The following FAM20A variants were observed in gnomAD, a reference collection of about 807,000 sequenced individuals.
FAM20A encodes pseudokinase FAM20A.
Under a neutral mutation model 52.0 loss-of-function variants are expected in FAM20A, and 42 were observed. That is an observed-to-expected ratio of 0.81 (90% confidence interval 0.63 to 1.04). The LOEUF (loss-of-function observed/expected upper bound fraction) is 1.04. Ranked by LOEUF, FAM20A falls within the 50% of genes least tolerant of loss-of-function variation. The pLI, the probability that FAM20A is intolerant of heterozygous loss-of-function variation, is 0.00. For synonymous variants in FAM20A, 304 were observed against 298.9 expected, an observed-to-expected ratio of 1.02 and a Z score of -0.18; for missense variants, 742 against 712.7, an observed-to-expected ratio of 1.04 and a Z score of -0.47.
At chr17:68,578,547 T>G (rs188502102) in intron 1 of FAM20A, among the ~76,000 whole-genome samples, 1 of 152,096 alleles carries the variant, frequency 6.6e-6, no homozygotes, top group Non-Finnish European at 1.5e-5. Flanking sequence ...TATTAATGTG[T>G]TTTTTGTTCT....
At chr17:68,541,308 A>G (rs2086281141) in intron 7 of FAM20A, 1 of 331,380 alleles carries the variant, frequency 3.0e-6, no homozygotes, top group Non-Finnish European at 5.9e-6. Context: ...ACCCTGCGCC[A>G]CTCATAGCAC....
intron 1 of FAM20A, among the ~76,000 whole-genome samples, chr17:68,577,220 A>G (rs2087797322): frequency 6.6e-6 from 1 of 152,228 alleles, no homozygotes; most frequent in South Asian, 2.1e-4. Context: ...CTCAGAGGAC[A>G]TCTCTTAAAC....
intron 3 of FAM20A, among the ~76,000 whole-genome samples, chr17:68,552,902 C>T (rs1192144280): frequency 7.1e-6 from 1 of 140,924 alleles, no homozygotes; most frequent in East Asian, 2.0e-4. Flanking sequence ...AGGATGGTCT[C>T]GATCTCCTGA....
Position 68,537,772 on chromosome 17 carries a change from A to AGAAGTTCAG in FAM20A, c.1362-32_1362-31insCTGAACTTC, listed in dbSNP as rs1412957127. The AGAAGTTCAG allele has an allele frequency of 6.3e-7, 1 of 1,593,220 alleles. No individual in the cohort carries two copies. The highest frequency in any genetic ancestry group is 1.8e-5 in the Admixed American group (1 of 57,142). On this transcript the variant is annotated intron_variant, in intron 10 of 10. Transcript: ENST00000592554. This position sits in a 1 kb window ranked among gnomAD's most constrained non-coding sequence, Gnocchi z 4.2. ...AAGACAAAGTTACAGGAACCAAATAAGCAAATGTAAAGAAAATAACTTGCC... is the reference window on the plus strand; with the variant it reads ...AAGACAAAGTTACAGGAACCAAATAAGAAGTTCAGGCAAATGTAAAGAAAATAACTTGCC...
rs2087659419 is a variant in FAM20A, at chr17:68,574,184, C to T, written c.405-18441G>A. On this transcript the variant is annotated intron_variant, in intron 1 of 10. Transcript: ENST00000592554. ...GGCCCAAGTGATCCTCCCACCTCAGCCTCCCAAGTAACTGGGACCACAGGC... is the reference window on the plus strand; with the variant it reads ...GGCCCAAGTGATCCTCCCACCTCAGTCTCCCAAGTAACTGGGACCACAGGC... Among the ~76,000 whole-genome samples the T allele has an allele frequency of 3.3e-5, 5 of 152,208 alleles. No individual in the cohort carries two copies. The South Asian group carries it at 1.0e-3, about 32-fold the overall frequency.
chr17:68,539,510 G>T, intron 9 of FAM20A, 114 bp from the exon 10 acceptor site: 1 of 914,952 alleles, frequency 1.1e-6, no homozygotes, highest in Non-Finnish European at 1.8e-6. Context: ...AAATGCCAGG[G>T]ATCATGGCAG....
Position 68,539,985 on chromosome 17 carries a change from C to G in FAM20A, c.1220-19G>C. 1 of 1,612,784 alleles carries G rather than the reference C, an allele frequency of 6.2e-7. No homozygotes were observed. Among genetic ancestry groups the G allele is most frequent in the Non-Finnish European group, 8.5e-7 (1 of 1,178,924 alleles). ...ATATTCCCTGTGAAGGAGGGGAGGA[C>G]TTAGCTGGAACCAGCAGGCCAGGGG... On this transcript the variant is annotated intron_variant, in intron 8 of 10. Transcript: ENST00000592554.
intron 7 of FAM20A, chr17:68,541,708 C>G: frequency 2.7e-6 from 1 of 373,058 alleles, no homozygotes. Flanking sequence ...GTTCTCCCCA[C>G]TAGACCAAGG....
Position 68,537,690 on chromosome 17 carries a change from GTAGTCAGC to G in FAM20A, c.1405_1412del (p.Ala469GlnfsTer21), listed in dbSNP as rs1223029738. The G allele has an allele frequency of 6.2e-7, 1 of 1,613,518 alleles. No homozygotes were observed. Among genetic ancestry groups the G allele is most frequent in the Non-Finnish European group, 8.5e-7 (1 of 1,179,802 alleles). On this transcript the variant is annotated frameshift_variant, in exon 11 of 11. Coordinates refer to ENST00000592554, the MANE Select transcript of FAM20A (RefSeq NM_017565.4). LOFTEE classifies it low-confidence loss of function (END_TRUNC). This position sits in a 1 kb window ranked among gnomAD's most constrained non-coding sequence, Gnocchi z 4.2. ...ATTCTCGCATCACATCGCTGAGTCT[GTAGTCAGC>G]TTGGGCCAGCAGCTGCAGGTGCAAA...
intron 3 of FAM20A, among the ~76,000 whole-genome samples, chr17:68,554,057 C>CACAT (rs2086977628): frequency 7.6e-6 from 1 of 131,518 alleles, no homozygotes. Context: ...CACATATACA[C>CACAT]ATATACACAC....
At chr17:68,561,588 GCT>G (rs1037322404) in intron 1 of FAM20A, among the ~76,000 whole-genome samples, 1 of 121,384 alleles carries the variant, frequency 8.2e-6, no homozygotes, top group East Asian at 2.5e-4. Context: ...CTTTTTGATT[GCT>G]CTTTTTTTTT....
intron 1 of FAM20A, among the ~76,000 whole-genome samples, chr17:68,584,823 T>A (rs2088123004): frequency 6.6e-6 from 1 of 152,246 alleles, no homozygotes; most frequent in Non-Finnish European, 1.5e-5. Context: ...TAGCTCATCA[T>A]ATTTGGCTGA....
At chr17:68,541,613 C>T (rs1296882323) in intron 7 of FAM20A, 1 of 199,572 alleles carries the variant, frequency 5.0e-6, no homozygotes, top group Non-Finnish European at 1.0e-5. Flanking sequence ...TGCTCGGGAA[C>T]CAGGTGTCCC....
At chr17:68,574,691 T>C (rs1190208132) in intron 1 of FAM20A, among the ~76,000 whole-genome samples, 1 of 152,190 alleles carries the variant, frequency 6.6e-6, no homozygotes, top group African/African-American at 2.4e-5. Flanking sequence ...TTCTGCTTAA[T>C]TTCCCAGTTA....
At chr17:68,569,921 C>T (rs950473254) in intron 1 of FAM20A, among the ~76,000 whole-genome samples, 1 of 152,144 alleles carries the variant, frequency 6.6e-6, no homozygotes, top group Non-Finnish European at 1.5e-5. Flanking sequence ...TTCTGTGTTG[C>T]GTTGCACAGT....
chr17:68,552,282 G>A (rs188497109), intron 3 of FAM20A, among the ~76,000 whole-genome samples: 2 of 152,104 alleles, frequency 1.3e-5, no homozygotes, highest in East Asian at 3.9e-4. Context: ...TGGGAAAAGA[G>A]CAAAAAATAC....
chr17:68,540,278 A>G (rs1009766896), intron 8 of FAM20A, among the ~76,000 whole-genome samples: 4 of 152,190 alleles, frequency 2.6e-5, no homozygotes, highest in Admixed American at 2.6e-4. Context: ...TCGTGTATGT[A>G]TTGACATTGG....
intron 4 of FAM20A, among the ~76,000 whole-genome samples, chr17:68,545,272 C>T (rs10445232): frequency 0.18 from 26,643 of 152,110 alleles, 2,687 homozygotes; most frequent in South Asian, 0.26. Flanking sequence ...CATTGTATTT[C>T]GGAAAAAAGC....
Position 68,541,968 on chromosome 17 carries a change from C to CTA in FAM20A, c.1109+16_1109+17insTA. 6.2e-7 allele frequency: 1 copy of CTA among 1,609,956 alleles called. No homozygotes were observed. The highest frequency in any genetic ancestry group is 8.5e-7 in the Non-Finnish European group (1 of 1,177,692). On this transcript the variant is annotated intron_variant, in intron 7 of 10. Transcript: ENST00000592554. ...TACTGTCAAGGACTGGGCTGTGTGG[C>CTA]CTGGGGACCAACTCACTCCTCTTTT...
Sources: gnomAD v4.1 joint callset for allele counts (sites outside exome capture counted in the v4.1 genomes callset) on GRCh38, gnomAD v4.1.1 for gene constraint, Gnocchi (gnomAD v3.1) non-coding constraint, MANE v1.5 for transcripts, NCBI Gene and HGNC (gene_info 2026-07-23, HGNC 2026-07-21) for gene names.